Variants in THSD7A observed in about 807,000 individuals in gnomAD.
The protein encoded by THSD7A is thrombospondin type 1 domain containing 7A, also known as thrombospondin type-1 domain-containing protein 7A.
In THSD7A, 96 loss-of-function variants were observed where a neutral mutation model predicts 231.3. The ratio of observed to expected loss-of-function variants is 0.41; its 90% CI spans 0.35 to 0.49. The LOEUF (loss-of-function observed/expected upper bound fraction) is 0.49. Among genes scored for constraint, THSD7A ranks in the 20% least tolerant of loss-of-function variants. The probability of loss-of-function intolerance (pLI) is 0.05; values close to 1 mark genes in which losing one functional copy is unlikely to be tolerated. For synonymous variants in THSD7A, 940 were observed against 743.3 expected (o/e 1.26, Z -4.30); for missense variants, 2,290 against 2,070.2 (o/e 1.11, Z -2.06).
intron 4 of THSD7A, among the ~76,000 whole-genome samples, chr7:11,580,865 T>A (rs2128337669): frequency 6.6e-6 from 1 of 152,250 alleles, no homozygotes; most frequent in Middle Eastern, 3.4e-3. Flanking sequence ...TAAATGAACC[T>A]GCACTTGTAT....
chr7:11,553,791 A>C (rs902972599), intron 4 of THSD7A, among the ~76,000 whole-genome samples: 2 of 151,998 alleles, frequency 1.3e-5, no homozygotes, highest in African/African-American at 4.8e-5. Context: ...TCTTGTTTTG[A>C]ATGTTTATGG....
intron 1 of THSD7A, among the ~76,000 whole-genome samples, chr7:11,726,751 T>C (rs1373626423): frequency 6.6e-6 from 1 of 152,042 alleles, no homozygotes; most frequent in South Asian, 2.1e-4. Flanking sequence ...GTATGAGTAG[T>C]GCTGAAATTA....
At chr7:11,796,321 G>A (rs1784125494) in intron 1 of THSD7A, among the ~76,000 whole-genome samples, 1 of 146,408 alleles carries the variant, frequency 6.8e-6, no homozygotes, top group Admixed American at 6.8e-5. Flanking sequence ...TTTAATATCT[G>A]GTAAGAAATG....
chr7:11,517,228 AC>A (rs1484159252), intron 6 of THSD7A, among the ~76,000 whole-genome samples: 1 of 151,938 alleles, frequency 6.6e-6, no homozygotes, highest in Non-Finnish European at 1.5e-5. Context: ...ACAGGTGCCC[AC>A]CACCATGCCC....
chr7:11,416,096 A>G (rs1427616365), intron 17 of THSD7A, among the ~76,000 whole-genome samples: 2 of 152,186 alleles, frequency 1.3e-5, no homozygotes, highest in Non-Finnish European at 2.9e-5. Context: ...AGCACAGTTT[A>G]TTCACCTCAT....
At chr7:11,721,320 A>T (rs77344492) in intron 1 of THSD7A, among the ~76,000 whole-genome samples, 1 of 151,722 alleles carries the variant, frequency 6.6e-6, no homozygotes, top group Non-Finnish European at 1.5e-5. Flanking sequence ...TCATGGGAAC[A>T]TATTTTCCCC....
At position 11,477,364 on chromosome 7, in the gene THSD7A, T is replaced by C. The variant is rs553507812; in HGVS notation, c.2018-2796A>G. 1.1e-4 allele frequency among the ~76,000 whole-genome samples: 17 copies of C among 152,276 alleles called. No homozygotes were observed. In the South Asian group the frequency reaches 3.3e-3, roughly 30 times the overall value. The stretch of plus-strand genomic sequence containing the variant: ...ATCTTTGATAGAGTTATTACAGAAA[T>C]GATATCGTATTCTCATTATATCATA... On this transcript the variant is annotated intron_variant, in intron 7 of 27. Transcript: ENST00000423059.
intron 6 of THSD7A, among the ~76,000 whole-genome samples, chr7:11,529,105 T>C (rs1788596206): frequency 6.6e-6 from 1 of 152,142 alleles, no homozygotes; most frequent in South Asian, 2.1e-4. Context: ...CGTGCATTTC[T>C]AATCTACTCT....
intron 1 of THSD7A, among the ~76,000 whole-genome samples, chr7:11,828,909 C>T (rs1024928790): frequency 6.6e-6 from 1 of 152,054 alleles, no homozygotes; most frequent in Admixed American, 6.5e-5. Context: ...CAAAACCAAC[C>T]CCTTATCTAT....
intron 3 of THSD7A, among the ~76,000 whole-genome samples, chr7:11,591,063 A>G (rs1780144060): frequency 6.6e-6 from 1 of 152,236 alleles, no homozygotes; most frequent in East Asian, 1.9e-4. Flanking sequence ...AAATAAATGA[A>G]AACTGCACAG....
At chr7:11,489,756 G>A (rs988718586) in intron 6 of THSD7A, among the ~76,000 whole-genome samples, 2 of 152,034 alleles carry the variant, frequency 1.3e-5, no homozygotes, top group African/African-American at 2.4e-5. Flanking sequence ...TACTGCAAGA[G>A]TTGAGTTCAA....
At chr7:11,615,919 AT>A (rs1781089130) in intron 2 of THSD7A, among the ~76,000 whole-genome samples, 1 of 152,040 alleles carries the variant, frequency 6.6e-6, no homozygotes, top group Admixed American at 6.6e-5. Flanking sequence ...TATGTCTTCT[AT>A]TTTCTTCCAT....
intron 1 of THSD7A, among the ~76,000 whole-genome samples, chr7:11,760,112 C>T (rs1174041426): frequency 6.6e-6 from 1 of 151,924 alleles, no homozygotes; most frequent in African/African-American, 2.4e-5. Context: ...ATGATAGACA[C>T]CTTAGGATTT....
At chr7:11,740,965 C>T (rs1164094267) in intron 1 of THSD7A, among the ~76,000 whole-genome samples, 2 of 151,790 alleles carry the variant, frequency 1.3e-5, no homozygotes, top group Non-Finnish European at 2.9e-5. Flanking sequence ...AAATACACCT[C>T]GGTAGAAGAA....
intron 1 of THSD7A, among the ~76,000 whole-genome samples, chr7:11,693,025 G>A (rs936795545): frequency 6.6e-6 from 1 of 151,352 alleles, no homozygotes; most frequent in Non-Finnish European, 1.5e-5. Context: ...AGAATACACT[G>A]TTGAAATAAC....
chr7:11,544,738 A>C (rs1322737573), intron 4 of THSD7A, among the ~76,000 whole-genome samples: 1 of 152,118 alleles, frequency 6.6e-6, no homozygotes, highest in Admixed American at 6.5e-5. Flanking sequence ...GTTCTGAAAA[A>C]TATTCTGCCA....
chr7:11,396,890 C>T (rs1395460660), intron 23 of THSD7A, among the ~76,000 whole-genome samples: 1 of 152,184 alleles, frequency 6.6e-6, no homozygotes, highest in Non-Finnish European at 1.5e-5. Flanking sequence ...CAATCACATA[C>T]TGGCACATCG....
intron 13 of THSD7A, among the ~76,000 whole-genome samples, chr7:11,438,254 A>G (rs190150146): frequency 2.1e-4 from 32 of 152,198 alleles, no homozygotes; most frequent in African/African-American, 7.2e-4. Flanking sequence ...TTAGGCAATA[A>G]TGTTAAATGT....
At chr7:11,476,878 T>A (rs1786212448) in intron 7 of THSD7A, among the ~76,000 whole-genome samples, 1 of 152,062 alleles carries the variant, frequency 6.6e-6, no homozygotes, top group African/African-American at 2.4e-5. Flanking sequence ...TTTTCATGTT[T>A]AATTCTGAAC....
Sources: gnomAD v4.1 joint callset for allele counts (sites outside exome capture counted in the v4.1 genomes callset) on GRCh38, gnomAD v4.1.1 for gene constraint, MANE v1.5 for transcripts, NCBI Gene and HGNC (gene_info 2026-07-23, HGNC 2026-07-21) for gene names.